Variants in SHANK2 observed in about 807,000 individuals in gnomAD.
SHANK2 encodes the protein SH3 and multiple ankyrin repeat domains protein 2.
In SHANK2, 43 loss-of-function variants were observed where a neutral mutation model predicts 133.7. That is an observed-to-expected ratio of 0.32 (90% CI 0.25 to 0.41). SHANK2 has a LOEUF of 0.41. Ranked by LOEUF, SHANK2 falls within the 10% of genes least tolerant of loss-of-function variation. The probability of loss-of-function intolerance (pLI) is 1.00; values close to 1 mark genes in which losing one functional copy is unlikely to be tolerated. For missense variants in SHANK2, 1,994 were observed against 2,235.8 expected (o/e 0.89, Z 2.18); for synonymous variants, 1,017 against 952.8 (o/e 1.07, Z -1.24).
intron 3 of SHANK2, among the ~76,000 whole-genome samples, chr11:71,142,700 T>C (rs1175064540): frequency 1.3e-4 from 19 of 149,200 alleles, no homozygotes; most frequent in African/African-American, 4.2e-4. Context: ...AAAATGAAAA[T>C]GTCCTTAAAC....
At chr11:71,245,709 G>A (rs895091896) in intron 1 of SHANK2, among the ~76,000 whole-genome samples, 32 of 152,378 alleles carry the variant, frequency 2.1e-4, no homozygotes, top group African/African-American at 6.7e-4. Context: ...CCTCGAGGGA[G>A]GGAAAGTCCA....
chr11:70,731,408 G>A (rs949066909), intron 14 of SHANK2, among the ~76,000 whole-genome samples: 3 of 152,116 alleles, frequency 2.0e-5, no homozygotes, highest in Non-Finnish European at 4.4e-5. Context: ...CATACTCCCC[G>A]CTCCTTCTCC....
At chr11:70,513,185 T>A (rs1393584672) in intron 17 of SHANK2, among the ~76,000 whole-genome samples, 1 of 151,548 alleles carries the variant, frequency 6.6e-6, no homozygotes, top group African/African-American at 2.4e-5. Flanking sequence ...TAAATCCAGA[T>A]CCTGCACAAA....
intron 11 of SHANK2, chr11:70,864,921 G>A (rs1217928189): frequency 6.6e-6 from 1 of 152,372 alleles, no homozygotes. Context: ...AGCTACTTGG[G>A]AGGCTGAGGT....
intron 17 of SHANK2, among the ~76,000 whole-genome samples, chr11:70,530,406 C>T (rs558107015): frequency 3.3e-5 from 5 of 152,122 alleles, no homozygotes; most frequent in South Asian, 2.1e-4. Flanking sequence ...TGTGGTGACA[C>T]GTGCCTGTAA....
In SHANK2 at chr11:70,473,474, C is replaced by T. The variant is rs782259213; in HGVS notation, c.4980-35G>A. The T allele has an allele frequency of 3.1e-6, 5 of 1,596,688 alleles. No homozygotes were observed. Among genetic ancestry groups the T allele is most frequent in the South Asian group, 1.1e-5 (1 of 90,880 alleles). ...CAACACAGAGAAAACCATCACAAGG[C>T]AGGTCACCGAGTCAGGGCAGCTGGC... On this transcript the variant is annotated intron_variant, in intron 25 of 25. Transcript: ENST00000601538. This position sits in a 1 kb window ranked among gnomAD's most constrained non-coding sequence, Gnocchi z 5.9.
intron 14 of SHANK2, among the ~76,000 whole-genome samples, chr11:70,712,244 C>A (rs1038719323): frequency 1.2e-4 from 19 of 152,204 alleles, no homozygotes; most frequent in African/African-American, 4.6e-4. Context: ...AGCCCTATGC[C>A]TCCTTTCCCA....
chr11:71,250,808 T>G (rs1274885287), intron 1 of SHANK2, among the ~76,000 whole-genome samples: 2 of 152,128 alleles, frequency 1.3e-5, no homozygotes, highest in African/African-American at 4.8e-5. Flanking sequence ...ACTTCCCTTG[T>G]GGCTGGGTCG....
At chr11:70,789,591 T>C (rs1555047482) in intron 14 of SHANK2, among the ~76,000 whole-genome samples, 1 of 151,932 alleles carries the variant, frequency 6.6e-6, no homozygotes, top group African/African-American at 2.4e-5. Flanking sequence ...CTGCAGCTGA[T>C]TGAGGATCCC....
At chr11:70,939,774 G>A (rs576736196) in intron 10 of SHANK2, among the ~76,000 whole-genome samples, 15 of 152,166 alleles carry the variant, frequency 9.9e-5, no homozygotes, top group South Asian at 8.3e-4. Context: ...GCAGAACAAC[G>A]GCCTAGAAGA....
intron 17 of SHANK2, among the ~76,000 whole-genome samples, chr11:70,602,973 T>C (rs1227916927): frequency 4.6e-5 from 7 of 152,214 alleles, no homozygotes; most frequent in African/African-American, 1.7e-4. Context: ...CCCCAGAGCA[T>C]ACTGCTGGCC....
chr11:70,746,802 C>T (rs1249183357), intron 14 of SHANK2, among the ~76,000 whole-genome samples: 1 of 70,016 alleles, frequency 1.4e-5, no homozygotes, highest in African/African-American at 6.5e-5. Context: ...CTCTATGCCC[C>T]GCTGCCCCCA....
At chr11:71,179,187 CA>C (rs1565498214) in intron 2 of SHANK2, among the ~76,000 whole-genome samples, 1 of 152,036 alleles carries the variant, frequency 6.6e-6, no homozygotes, top group East Asian at 1.9e-4. Context: ...CAAAATAAAA[CA>C]ACAAATCAAA....
chr11:70,914,159 A>C (rs782568881), intron 10 of SHANK2, among the ~76,000 whole-genome samples: 1 of 152,128 alleles, frequency 6.6e-6, no homozygotes, highest in African/African-American at 2.4e-5. Flanking sequence ...CAGGGCCCTG[A>C]GAAGGCACAC....
intron 17 of SHANK2, among the ~76,000 whole-genome samples, chr11:70,644,549 C>CAT (rs1329816611): frequency 6.6e-6 from 1 of 152,230 alleles, no homozygotes; most frequent in East Asian, 1.9e-4. Context: ...AGGGGGCCCC[C>CAT]GGCCAAGGGC....
At chr11:70,879,184 T>C (rs1949618514) in intron 11 of SHANK2, among the ~76,000 whole-genome samples, 1 of 152,166 alleles carries the variant, frequency 6.6e-6, no homozygotes, top group South Asian at 2.1e-4. Context: ...AGCTGTTTAA[T>C]GTGTCCCTTC....
At chr11:70,723,970 T>TA (rs1174039412) in intron 14 of SHANK2, among the ~76,000 whole-genome samples, 102 of 145,918 alleles carry the variant, frequency 7.0e-4, no homozygotes, top group African/African-American at 1.4e-3. Context: ...CAAATCCACT[T>TA]AAAAAAAAAA....
intron 21 of SHANK2, 106 bp from the exon 22 acceptor site, chr11:70,492,571 C>T: frequency 6.9e-7 from 1 of 1,449,584 alleles, no homozygotes; most frequent in Non-Finnish European, 9.6e-7. Flanking sequence ...CAAAACTGTG[C>T]AGGGGGCATT....
At chr11:70,778,623 G>A (rs1312793217) in intron 14 of SHANK2, among the ~76,000 whole-genome samples, 5 of 152,190 alleles carry the variant, frequency 3.3e-5, no homozygotes, top group East Asian at 3.8e-4. Context: ...AGGACACAGC[G>A]AGAAGGCGGC....
Sources: gnomAD v4.1 joint callset for allele counts (sites outside exome capture counted in the v4.1 genomes callset) on GRCh38, gnomAD v4.1.1 for gene constraint, Gnocchi (gnomAD v3.1) non-coding constraint, MANE v1.5 for transcripts, NCBI Gene and HGNC (gene_info 2026-07-23, HGNC 2026-07-21) for gene names.